The following GRIA4 variants were observed in gnomAD, a reference collection of about 807,000 sequenced individuals.
GRIA4 encodes glutamate ionotropic receptor AMPA type subunit 4.
Under a neutral mutation model 104.0 loss-of-function variants are expected in GRIA4, and 34 were observed. The ratio of observed to expected loss-of-function variants is 0.33; its 90% CI spans 0.25 to 0.44. GRIA4 has a LOEUF of 0.44. GRIA4 is among the 20% of genes least tolerant of loss of function. The probability of loss-of-function intolerance (pLI) is 1.00; values close to 1 mark genes in which losing one functional copy is unlikely to be tolerated. For missense variants in GRIA4, 750 were observed against 1,096.5 expected (o/e 0.68, Z 4.46); for synonymous variants, 386 against 381.9 (o/e 1.01, Z -0.13).
chr11:105,764,739 T>TCA (rs1171935201), intron 4 of GRIA4, among the ~76,000 whole-genome samples: 1 of 152,054 alleles, frequency 6.6e-6, no homozygotes, highest in Non-Finnish European at 1.5e-5. Context: ...CTATTGTTTA[T>TCA]GTTACCTTCA....
At chr11:105,749,937 G>A (rs1008902226) in intron 3 of GRIA4, among the ~76,000 whole-genome samples, 6 of 151,898 alleles carry the variant, frequency 4.0e-5, no homozygotes, top group South Asian at 2.1e-4. Context: ...ATTAATTCCC[G>A]TTTATTTTGC....
At chr11:105,843,672 T>C (rs1356820370) in intron 4 of GRIA4, among the ~76,000 whole-genome samples, 1 of 152,186 alleles carries the variant, frequency 6.6e-6, no homozygotes, top group Non-Finnish European at 1.5e-5. Context: ...GGCCCTCAGT[T>C]CTAGCTATCT....
chr11:105,816,897 T>C (rs978225283), intron 4 of GRIA4, among the ~76,000 whole-genome samples: 11 of 152,054 alleles, frequency 7.2e-5, no homozygotes. Flanking sequence ...ATGCCCATAG[T>C]CCTAGATACT....
intron 3 of GRIA4, among the ~76,000 whole-genome samples, chr11:105,721,019 T>C (rs1368783727): frequency 6.6e-6 from 1 of 152,334 alleles, no homozygotes; most frequent in African/African-American, 2.4e-5. Context: ...TATATGCTCA[T>C]GGACAGTGTT....
rs1300837636 is a variant in GRIA4 at position 105,659,320 on chromosome 11, A to C, written c.247+46886A>C. ...ATGCGATTTGGCTCAATTCTGAACA[A>C]GTGGAGGTGGAGAGATATTAAGAGA... On this transcript the variant is annotated intron_variant, in intron 3 of 16. Coordinates refer to ENST00000282499, the MANE Select transcript of GRIA4 (RefSeq NM_000829.4). Among the ~76,000 whole-genome samples, 8 of 152,114 alleles carry C rather than the reference A, an allele frequency of 5.3e-5. No individual in the cohort carries two copies. In the East Asian group the frequency reaches 1.5e-3, roughly 29 times the overall value.
At chr11:105,761,234 T>C (rs1240485224) in intron 4 of GRIA4, among the ~76,000 whole-genome samples, 1 of 152,146 alleles carries the variant, frequency 6.6e-6, no homozygotes, top group Non-Finnish European at 1.5e-5. Flanking sequence ...CTCTCATTTG[T>C]CATGCTTTTT....
At chr11:105,970,435 T>C (rs1008768418) in intron 14 of GRIA4, among the ~76,000 whole-genome samples, 4 of 152,238 alleles carry the variant, frequency 2.6e-5, no homozygotes, top group East Asian at 1.9e-4. Flanking sequence ...GAAATCATAC[T>C]ATCAGGAATC....
At chr11:105,682,040 A>T (rs1952726687) in intron 3 of GRIA4, among the ~76,000 whole-genome samples, 1 of 151,276 alleles carries the variant, frequency 6.6e-6, no homozygotes, top group Admixed American at 6.6e-5. Flanking sequence ...ACTCTGTCTA[A>T]TATAATAATA....
intron 11 of GRIA4, among the ~76,000 whole-genome samples, chr11:105,921,693 T>C (rs528507991): frequency 6.6e-6 from 1 of 152,216 alleles, no homozygotes; most frequent in South Asian, 2.1e-4. Context: ...CCCTCACTAG[T>C]GGGAACTTGT....
In GRIA4 at chr11:105,911,908, A is replaced by G. The variant is rs769113378; in HGVS notation, c.1269+1363A>G. 16 of 1,562,642 alleles carry G rather than the reference A, an allele frequency of 1.0e-5. No individual in the cohort carries two copies. Among genetic ancestry groups the G allele is most frequent in the South Asian group, 9.0e-5 (8 of 88,724 alleles). On this transcript the variant is annotated intron_variant, in intron 10 of 16. Coordinates refer to ENST00000282499, the MANE Select transcript of GRIA4 (RefSeq NM_000829.4). ...TGAAGAATCCTATTTTAAGAAATTG[A>G]TCAAGAAAGAAAAGAGTTCCGCGCT... is the stretch of plus-strand genomic sequence containing the variant.
intron 10 of GRIA4, chr11:105,911,775 A>ATATATAT (rs1947245103): frequency 2.7e-5 from 2 of 72,974 alleles, no homozygotes; most frequent in African/African-American, 1.4e-4. Flanking sequence ...CTTGAAAAGC[A>ATATATAT]ATATATATAT....
intron 6 of GRIA4, among the ~76,000 whole-genome samples, chr11:105,891,191 A>C (rs146270467): frequency 6.6e-6 from 1 of 152,270 alleles, no homozygotes; most frequent in African/African-American, 2.4e-5. Flanking sequence ...CGTTTGCTTA[A>C]ATCTTTGATT....
intron 16 of GRIA4, among the ~76,000 whole-genome samples, chr11:105,978,571 C>T (rs72979255): frequency 0.065 from 9,868 of 151,974 alleles, 446 homozygotes; most frequent in East Asian, 0.15. Context: ...TATAATTATT[C>T]TAATATTTAA....
chr11:105,866,740 T>C (rs1022461204), intron 5 of GRIA4, among the ~76,000 whole-genome samples: 4 of 151,840 alleles, frequency 2.6e-5, no homozygotes, highest in African/African-American at 9.7e-5. Context: ...ATACATTATG[T>C]AGAAAGTGAT....
intron 3 of GRIA4, among the ~76,000 whole-genome samples, chr11:105,717,914 G>C (rs918745783): frequency 5.4e-5 from 7 of 128,668 alleles, no homozygotes; most frequent in African/African-American, 2.1e-4. Context: ...CATAAAAAAT[G>C]ATGAGTTCAT....
chr11:105,638,444 A>G (rs1157644184), intron 3 of GRIA4, among the ~76,000 whole-genome samples: 1 of 152,142 alleles, frequency 6.6e-6, no homozygotes, highest in Non-Finnish European at 1.5e-5. Context: ...TAATACGTAC[A>G]TCACTTTTAA....
rs1289726240 is a variant in GRIA4 at position 105,981,799 on chromosome 11, G to A, written c.*2060G>A. The A allele has an allele frequency of 1.3e-5, 2 of 152,592 alleles. No individual in the cohort carries two copies. Among genetic ancestry groups the A allele is most frequent in the Non-Finnish European group, 2.9e-5 (2 of 68,128 alleles). The allele number at this position is 152,592 out of a possible 1,614,324, so 9.5% of individuals were successfully genotyped here. A position where few individuals can be genotyped will look rare whatever the true frequency, so the allele number is the denominator to read the frequency against. On this transcript the variant is annotated 3_prime_UTR_variant, in exon 17 of 17. Transcript: ENST00000282499. The stretch of plus-strand genomic sequence containing the variant: ...TGTCTCCTCTTTACCTGAGTAACTT[G>A]TACTCATCCTTCAATACTCCAACTG...
intron 14 of GRIA4, among the ~76,000 whole-genome samples, chr11:105,945,129 C>T (rs1186497864): frequency 1.3e-5 from 2 of 152,080 alleles, no homozygotes; most frequent in African/African-American, 2.4e-5. Context: ...TCCTAAGGAA[C>T]TCCAGGTGCC....
chr11:105,663,972 C>T (rs1227986137), intron 3 of GRIA4, among the ~76,000 whole-genome samples: 2 of 151,192 alleles, frequency 1.3e-5, no homozygotes, highest in Non-Finnish European at 2.9e-5. Flanking sequence ...AATGTGGGCC[C>T]TTACTACCAT....
Sources: gnomAD v4.1 joint callset for allele counts (sites outside exome capture counted in the v4.1 genomes callset) on GRCh38, gnomAD v4.1.1 for gene constraint, MANE v1.5 for transcripts, NCBI Gene and HGNC (gene_info 2026-07-23, HGNC 2026-07-21) for gene names.